ADAMTSL1: variants seen among roughly 807,000 people sequenced by gnomAD.
The protein encoded by ADAMTSL1 is ADAMTS-like protein 1.
In ADAMTSL1, 126 loss-of-function variants were observed where a neutral mutation model predicts 201.8. The ratio of observed to expected loss-of-function variants is 0.62; its 90% CI spans 0.54 to 0.72. ADAMTSL1 has a LOEUF of 0.72. Ranked by LOEUF, ADAMTSL1 falls within the 30% of genes least tolerant of loss-of-function variation. The pLI is 0.00. For synonymous variants in ADAMTSL1, 1,121 were observed against 903.4 expected (o/e 1.24, Z -4.32); for missense variants, 2,679 against 2,277.8 (o/e 1.18, Z -3.59).
At chr9:18,829,483 T>C (rs1824837776) in intron 22 of ADAMTSL1, among the ~76,000 whole-genome samples, 1 of 152,232 alleles carries the variant, frequency 6.6e-6, no homozygotes, top group South Asian at 2.1e-4. Context: ...AGCACAGAAC[T>C]TGGCATAGTA....
intron 1 of ADAMTSL1, among the ~76,000 whole-genome samples, chr9:18,161,043 A>T (rs1322479782): frequency 6.6e-6 from 1 of 151,754 alleles, no homozygotes; most frequent in Non-Finnish European, 1.5e-5. Context: ...TATTACATAA[A>T]AGTATTGGAT....
At chr9:18,615,002 A>G (rs10963670) in intron 4 of ADAMTSL1, among the ~76,000 whole-genome samples, 3,623 of 152,294 alleles carry the variant, frequency 0.024, 82 homozygotes, top group East Asian at 0.097. Context: ...TGAGTTTGCA[A>G]TTAAAAAATA....
At chr9:18,153,508 T>C (rs1369327394) in intron 1 of ADAMTSL1, among the ~76,000 whole-genome samples, 6 of 152,204 alleles carry the variant, frequency 3.9e-5, no homozygotes, top group Admixed American at 6.6e-5. Context: ...GTGAGCATGA[T>C]AGCAGTAGTC....
intron 2 of ADAMTSL1, among the ~76,000 whole-genome samples, chr9:18,294,483 G>A (rs1207629317): frequency 4.6e-5 from 7 of 152,194 alleles, no homozygotes; most frequent in Non-Finnish European, 1.0e-4. Flanking sequence ...TTTTCCTGGG[G>A]CTGAGTACCT....
intron 2 of ADAMTSL1, among the ~76,000 whole-genome samples, chr9:18,253,821 C>A (rs1276860122): frequency 6.6e-6 from 1 of 152,190 alleles, no homozygotes; most frequent in Non-Finnish European, 1.5e-5. Context: ...AGAATCTTAG[C>A]TTCACACACA....
At chr9:18,288,883 A>G (rs995732297) in intron 2 of ADAMTSL1, among the ~76,000 whole-genome samples, 2 of 152,244 alleles carry the variant, frequency 1.3e-5, no homozygotes, top group Non-Finnish European at 2.9e-5. Context: ...AGTTCACTAT[A>G]GAAGACAGTG....
At chr9:18,091,858 T>G (rs1448506316) in intron 1 of ADAMTSL1, among the ~76,000 whole-genome samples, 1 of 151,850 alleles carries the variant, frequency 6.6e-6, no homozygotes, top group Non-Finnish European at 1.5e-5. Context: ...GCACGGGTAT[T>G]GTGAGTGAGT....
At chr9:18,001,610 G>A (rs1174772449) in intron 1 of ADAMTSL1, among the ~76,000 whole-genome samples, 1 of 152,062 alleles carries the variant, frequency 6.6e-6, no homozygotes, top group Non-Finnish European at 1.5e-5. Flanking sequence ...AGAAGAAATT[G>A]TCTGTGTTAG....
At chr9:18,247,777 G>T (rs935883643) in intron 2 of ADAMTSL1, among the ~76,000 whole-genome samples, 1 of 152,090 alleles carries the variant, frequency 6.6e-6, no homozygotes, top group Admixed American at 6.5e-5. Flanking sequence ...AAGGAAAGGA[G>T]GGAGGGAGGA....
chr9:17,988,538 C>A (rs551174955), intron 1 of ADAMTSL1, among the ~76,000 whole-genome samples: 1 of 151,010 alleles, frequency 6.6e-6, no homozygotes, highest in Non-Finnish European at 1.5e-5. Context: ...TATATAAAAT[C>A]CCCTTATTGT....
chr9:18,137,842 T>C lies in ADAMTSL1; in HGVS notation c.88-26020T>C, dbSNP rs544020212. ...GTGCTAAGAATTTGGTGCAGAGCAGTAACTTTTTCCAAGTGTGGCAAGAGA... is the reference window on the plus strand; with the variant it reads ...GTGCTAAGAATTTGGTGCAGAGCAGCAACTTTTTCCAAGTGTGGCAAGAGA... On this transcript the variant is annotated intron_variant, in intron 1 of 29. Transcript: ENST00000680146. Among the ~76,000 whole-genome samples, 392 of 152,286 alleles carry C rather than the reference T, an allele frequency of 2.6e-3. 2 individuals carry two copies. The highest frequency in any genetic ancestry group is 4.6e-3 in the Non-Finnish European group (316 of 68,014).
chr9:18,273,574 T>A (rs1219796907), intron 2 of ADAMTSL1, among the ~76,000 whole-genome samples: 1 of 152,236 alleles, frequency 6.6e-6, no homozygotes, highest in Non-Finnish European at 1.5e-5. Flanking sequence ...ACATTTATCT[T>A]CCAAATTTGA....
intron 1 of ADAMTSL1, among the ~76,000 whole-genome samples, chr9:17,980,521 G>T (rs529575379): frequency 6.6e-5 from 10 of 151,610 alleles, no homozygotes; most frequent in Admixed American, 5.9e-4. Context: ...CAAATCTTCT[G>T]TGTCATCTGT....
intron 2 of ADAMTSL1, among the ~76,000 whole-genome samples, chr9:18,419,918 T>C (rs1470647479): frequency 6.6e-6 from 1 of 152,006 alleles, no homozygotes; most frequent in African/African-American, 2.4e-5. Context: ...TTAGTAGAGA[T>C]GGGGTTTCAC....
At chr9:18,197,205 A>G (rs746687760) in intron 2 of ADAMTSL1, among the ~76,000 whole-genome samples, 1 of 152,132 alleles carries the variant, frequency 6.6e-6, no homozygotes. Context: ...GTTTTTTCCA[A>G]TTCTGTGAAG....
At chr9:18,452,868 C>A (rs987869155) in intron 2 of ADAMTSL1, among the ~76,000 whole-genome samples, 1 of 152,226 alleles carries the variant, frequency 6.6e-6, no homozygotes, top group African/African-American at 2.4e-5. Context: ...CAGCAGCTCA[C>A]GTAGGTTGGA....
chr9:18,527,663 C>T (rs1197743182), intron 2 of ADAMTSL1, among the ~76,000 whole-genome samples: 2 of 151,910 alleles, frequency 1.3e-5, no homozygotes, highest in Non-Finnish European at 2.9e-5. Context: ...GTGTATTATG[C>T]GTTAATGAGA....
intron 1 of ADAMTSL1, among the ~76,000 whole-genome samples, chr9:18,092,396 G>A (rs1824065106): frequency 6.6e-6 from 1 of 152,156 alleles, no homozygotes; most frequent in Non-Finnish European, 1.5e-5. Flanking sequence ...CAGAGAAAAT[G>A]ATTTCAGCAA....
At chr9:18,659,371 T>C (rs1207098660) in intron 8 of ADAMTSL1, among the ~76,000 whole-genome samples, 1 of 152,240 alleles carries the variant, frequency 6.6e-6, no homozygotes, top group Non-Finnish European at 1.5e-5. Flanking sequence ...AGAAGTGCCA[T>C]GAAGTACTTT....
Sources: allele counts gnomAD v4.1 joint callset (sites outside exome capture counted in the v4.1 genomes callset), GRCh38; gene constraint gnomAD v4.1.1; transcripts MANE v1.5; gene names NCBI Gene and HGNC (gene_info 2026-07-23, HGNC 2026-07-21).